Variants in GCSH observed in about 807,000 individuals in gnomAD.
GCSH encodes the protein glycine cleavage system protein H.
A neutral mutation model predicts 21.3 loss-of-function variants in GCSH; 15 were observed. That is an observed-to-expected ratio of 0.70 (90% CI 0.47 to 1.08). GCSH has a LOEUF of 1.08. Among genes scored for constraint, GCSH ranks in the 50% least tolerant of loss-of-function variants. GCSH has a pLI of 0.00. For synonymous variants in GCSH, 59 were observed against 84.5 expected (o/e 0.70, Z 1.66); for missense variants, 179 against 217.5 (o/e 0.82, Z 1.11).
rs1325523105 is a variant in GCSH at position 81,082,387 on chromosome 16, C to G, written c.*479G>C. On this transcript the variant is annotated 3_prime_UTR_variant, in exon 5 of 5. Coordinates refer to ENST00000315467, the MANE Select transcript of GCSH (RefSeq NM_004483.5). The stretch of plus-strand genomic sequence containing the variant: ...TTGCTTCACTGTATAAAAATAGCAC[C>G]AGCAAATGCAGTGTATCGCAAAATT... 2.6e-6 allele frequency: 1 copy of G among 381,482 alleles called. No individual in the cohort carries two copies. The highest frequency in any genetic ancestry group is 3.3e-5 in the Admixed American group (1 of 29,950). The allele number at this position is 381,482 out of a possible 1,614,324, so 23.6% of individuals were successfully genotyped here. A position where few individuals can be genotyped will look rare whatever the true frequency, so the allele number is the denominator to read the frequency against.
chr16:81,090,254 C>G (rs1037346384), intron 2 of GCSH, among the ~76,000 whole-genome samples: 5 of 151,980 alleles, frequency 3.3e-5, no homozygotes, highest in Admixed American at 3.3e-4. Context: ...CCAAGACCAG[C>G]TAATTTTTGT....
chr16:81,089,406 T>C (rs577365813), intron 2 of GCSH, among the ~76,000 whole-genome samples: 23 of 152,256 alleles, frequency 1.5e-4, no homozygotes, highest in African/African-American at 5.5e-4. Flanking sequence ...ACCTATGCCA[T>C]ATTTTTACTG....
intron 2 of GCSH, among the ~76,000 whole-genome samples, chr16:81,088,957 CT>C (rs1440475791): frequency 6.6e-6 from 1 of 152,134 alleles, no homozygotes; most frequent in Non-Finnish European, 1.5e-5. Flanking sequence ...GGTAATTCCC[CT>C]CACAAATAAA....
intron 3 of GCSH, among the ~76,000 whole-genome samples, chr16:81,087,152 G>A (rs973997848): frequency 6.6e-6 from 1 of 151,558 alleles, no homozygotes; most frequent in African/African-American, 2.4e-5. Flanking sequence ...TGCAACCTCC[G>A]CCTCCCAAGT....
intron 1 of GCSH, among the ~76,000 whole-genome samples, chr16:81,092,699 C>T (rs1471187565): frequency 9.9e-5 from 15 of 151,720 alleles, no homozygotes; most frequent in Non-Finnish European, 2.2e-4. Flanking sequence ...GCTGAGATCA[C>T]GCCACTGCAC....
At chr16:81,090,802 TA>T (rs1972383957) in intron 1 of GCSH, 122 bp from the exon 2 acceptor site, 1 of 738,746 alleles carries the variant, frequency 1.4e-6, no homozygotes, top group Non-Finnish European at 2.5e-6. Context: ...ACACTACCTT[TA>T]AATAGTGCAT....
At position 81,082,204 on chromosome 16, in the gene GCSH, C is replaced by G. The variant is rs529428667; in HGVS notation, c.*662G>C. ...GACTAAAGAAAACATTTTCTTGGAG[C>G]TTTGCATTGTTCTGGCTTAAATTTC... On this transcript the variant is annotated 3_prime_UTR_variant, in exon 5 of 5. Coordinates refer to ENST00000315467, the MANE Select transcript of GCSH (RefSeq NM_004483.5). 6.1e-4 allele frequency: 279 copies of G among 454,032 alleles called. No individual in the cohort carries two copies. The highest frequency in any genetic ancestry group is 9.8e-4 in the Non-Finnish European group (223 of 226,752). The allele number at this position is 454,032 out of a possible 1,614,324, so 28.1% of individuals were successfully genotyped here.
At chr16:81,085,883 G>A (rs747818714) in intron 3 of GCSH, among the ~76,000 whole-genome samples, 10,052 of 14,138 alleles carry the variant, frequency 0.71, 4,162 homozygotes, top group East Asian at 0.92. Context: ...ACGGCCGGGC[G>A]CGGTGGCTCA....
At chr16:81,085,115 A>G (rs1055440729) in intron 3 of GCSH, among the ~76,000 whole-genome samples, 1 of 139,842 alleles carries the variant, frequency 7.2e-6, no homozygotes, top group South Asian at 2.3e-4. Context: ...CCCGGGTTCA[A>G]GCCATTCTCC....
Position 81,087,659 on chromosome 16 carries a change from C to G in GCSH, c.234G>C (p.Ala78=), listed in dbSNP as rs543343974. The part of the protein sequence containing the change: ...TVGISNFAQE[A]LGDVVYCSLP... ...GACTACAATAAACAACATCTCCCAA[C>G]GCTTCCTAAATAAAACAAGACAAAA... The change falls in exon 3 of 5, where the codon GCG becomes GCC. Residue 78 remains alanine (A), a synonymous_variant. Coordinates refer to ENST00000315467, the MANE Select transcript of GCSH (RefSeq NM_004483.5). The G allele has an allele frequency of 6.2e-7, 1 of 1,610,792 alleles. No individual in the cohort carries two copies. Among genetic ancestry groups the G allele is most frequent in the South Asian group, 1.1e-5 (1 of 91,016 alleles).
At chr16:81,093,881 G>A (rs918808697) in intron 1 of GCSH, among the ~76,000 whole-genome samples, 1 of 152,080 alleles carries the variant, frequency 6.6e-6, no homozygotes, top group Non-Finnish European at 1.5e-5. Context: ...CCGACAGGAA[G>A]AAGTGGATAG....
chr16:81,083,594 C>T (rs1354744022), intron 4 of GCSH: 3 of 154,374 alleles, frequency 1.9e-5, no homozygotes, highest in African/African-American at 7.2e-5. Context: ...AAATGGAACA[C>T]TAACTACTGA....
intron 1 of GCSH, among the ~76,000 whole-genome samples, 194 bp downstream of exon 1, chr16:81,095,937 C>A (rs1972496951): frequency 6.6e-6 from 1 of 152,208 alleles, no homozygotes; most frequent in Non-Finnish European, 1.5e-5. Context: ...ACTCGCGGGT[C>A]CTCCCGCTAC....
intron 1 of GCSH, among the ~76,000 whole-genome samples, chr16:81,092,588 C>T (rs1972418568): frequency 6.7e-6 from 1 of 149,194 alleles, no homozygotes; most frequent in Non-Finnish European, 1.5e-5. Context: ...TAAAAAAATA[C>T]AAAAATTAGC....
intron 1 of GCSH, chr16:81,090,981 CA>C: frequency 2.1e-6 from 1 of 483,960 alleles, no homozygotes. Flanking sequence ...GAGCATATTT[CA>C]AATGTATACT....
rs549483110 is a variant in GCSH at position 81,082,225 on chromosome 16, A to G, written c.*641T>C. ...GGAGCTTTGCATTGTTCTGGCTTAA[A>G]TTTCCTTTTAAAAAGTAACTTTCCG... On this transcript the variant is annotated 3_prime_UTR_variant, in exon 5 of 5. Transcript: ENST00000315467. The G allele has an allele frequency of 7.6e-4, 345 of 453,594 alleles. No individual in the cohort carries two copies. The highest frequency in any genetic ancestry group is 1.9e-3 in the Admixed American group (81 of 42,530). 28.1% of individuals were successfully genotyped at this position (453,594 alleles called of 1,614,324 possible).
intron 1 of GCSH, among the ~76,000 whole-genome samples, chr16:81,092,871 C>A (rs1972424131): frequency 6.6e-6 from 1 of 152,116 alleles, no homozygotes; most frequent in East Asian, 1.9e-4. Flanking sequence ...GTGGCTCATG[C>A]CTGCAATCCC....
At chr16:81,096,039 G>C in intron 1 of GCSH, 92 bp downstream of exon 1, 1 of 1,085,200 alleles carries the variant, frequency 9.2e-7, no homozygotes, top group Non-Finnish European at 1.2e-6. Context: ...TGGCTCAGGA[G>C]CGGTGCCCCG....
At chr16:81,093,132 A>C (rs1377633492) in intron 1 of GCSH, among the ~76,000 whole-genome samples, 1 of 151,970 alleles carries the variant, frequency 6.6e-6, no homozygotes, top group African/African-American at 2.4e-5. Context: ...CCAAAAAAAA[A>C]AAAAAAAAGT....
Sources: allele counts gnomAD v4.1 joint callset (sites outside exome capture counted in the v4.1 genomes callset), GRCh38; gene constraint gnomAD v4.1.1; transcripts MANE v1.5; gene names NCBI Gene and HGNC (gene_info 2026-07-23, HGNC 2026-07-21).